Variants in NCOA1 observed in about 807,000 individuals in gnomAD.
The protein encoded by NCOA1 is nuclear receptor coactivator 1, also known as Hin-2 protein.
In NCOA1, 35 loss-of-function variants were observed where a neutral mutation model predicts 150.9. The observed-to-expected ratio is 0.23, with a 90% CI of 0.18 to 0.31. The LOEUF is 0.31. Ranked by LOEUF, NCOA1 falls within the 10% of genes least tolerant of loss-of-function variation. The probability of loss-of-function intolerance (pLI) is 1.00; values close to 1 mark genes in which losing one functional copy is unlikely to be tolerated. For synonymous variants in NCOA1, 590 were observed against 630.0 expected (o/e 0.94, Z 0.95); for missense variants, 1,491 against 1,749.3 (o/e 0.85, Z 2.63).
chr2:24,672,433 C>A (rs11676900), intron 6 of NCOA1, among the ~76,000 whole-genome samples: 22,364 of 152,106 alleles, frequency 0.15, 2,020 homozygotes, highest in Non-Finnish European at 0.2. Flanking sequence ...CTCATCCTGA[C>A]ACCCAGGCTG....
intron 3 of NCOA1, among the ~76,000 whole-genome samples, chr2:24,587,910 T>A (rs1463979324): frequency 6.6e-6 from 1 of 152,230 alleles, no homozygotes; most frequent in Admixed American, 6.5e-5. Context: ...TAAATTCTTT[T>A]GATGCTGATA....
At chr2:24,569,604 G>T (rs1181226419) in intron 2 of NCOA1, among the ~76,000 whole-genome samples, 3 of 128,394 alleles carry the variant, frequency 2.3e-5, no homozygotes, top group African/African-American at 9.0e-5. Flanking sequence ...AGGTACGGTA[G>T]CTCAGGCCTG....
At chr2:24,590,847 C>T (rs1667623942) in intron 3 of NCOA1, among the ~76,000 whole-genome samples, 1 of 152,104 alleles carries the variant, frequency 6.6e-6, no homozygotes, top group African/African-American at 2.4e-5. Context: ...TTATTTTCTC[C>T]ATAGGACTTA....
At position 24,770,410 on chromosome 2, in the gene NCOA1, C is replaced by T. The variant is rs1665264712; in HGVS notation, c.*2019C>T. 1 of 229,856 alleles carries T rather than the reference C, an allele frequency of 4.4e-6. No individual in the cohort carries two copies. Among genetic ancestry groups the T allele is most frequent in the Non-Finnish European group, 8.6e-6 (1 of 115,722 alleles). 14.2% of individuals were successfully genotyped at this position (229,856 alleles called of 1,614,324 possible). A position where few individuals can be genotyped will look rare whatever the true frequency, so the allele number is the denominator to read the frequency against. On this transcript the variant is annotated 3_prime_UTR_variant, in exon 23 of 23. Transcript: ENST00000348332. ...CTAACATCCTCCCCCATCCCAACTG[C>T]ACCTTAAAATATGCATGTCACCTTC...
chr2:24,674,220 T>A (rs1288379512), intron 7 of NCOA1, among the ~76,000 whole-genome samples: 1 of 151,788 alleles, frequency 6.6e-6, no homozygotes, highest in African/African-American at 2.4e-5. Context: ...CTTTTTTTTT[T>A]TTTGAGACGG....
intron 21 of NCOA1, 33 bp from the exon 22 acceptor site, chr2:24,762,654 C>T: frequency 6.3e-7 from 1 of 1,583,524 alleles, no homozygotes; most frequent in Non-Finnish European, 8.7e-7. Context: ...AAACAACTAG[C>T]TTGTAATTTG....
intron 19 of NCOA1, among the ~76,000 whole-genome samples, chr2:24,746,896 A>G (rs1181436025): frequency 1.3e-5 from 2 of 152,180 alleles, no homozygotes; most frequent in Non-Finnish European, 2.9e-5. Flanking sequence ...TATACATGTG[A>G]GTGAATGGAG....
At chr2:24,556,049 T>TA (rs1271275856) in intron 1 of NCOA1, 1 of 152,242 alleles carries the variant, frequency 6.6e-6, no homozygotes, top group Non-Finnish European at 1.5e-5. Context: ...GCAGGTTTGT[T>TA]ACACAGGTAA....
chr2:24,744,413 A>C (rs920188514), intron 19 of NCOA1, among the ~76,000 whole-genome samples: 5 of 152,184 alleles, frequency 3.3e-5, no homozygotes, highest in Non-Finnish European at 7.3e-5. Context: ...ATAATACTGG[A>C]AAAATGTTTA....
intron 3 of NCOA1, among the ~76,000 whole-genome samples, chr2:24,604,190 C>G (rs1290984192): frequency 6.6e-6 from 1 of 152,176 alleles, no homozygotes; most frequent in African/African-American, 2.4e-5. Context: ...GATGTGCTGT[C>G]ATCTAGGATT....
chr2:24,657,027 T>C (rs1156946352), intron 4 of NCOA1, among the ~76,000 whole-genome samples: 1 of 152,196 alleles, frequency 6.6e-6, no homozygotes, highest in Non-Finnish European at 1.5e-5. Flanking sequence ...CTATTTTTAG[T>C]TTTTTGAAGA....
At chr2:24,683,639 C>T (rs1158025752) in intron 8 of NCOA1, among the ~76,000 whole-genome samples, 1 of 152,136 alleles carries the variant, frequency 6.6e-6, no homozygotes, top group African/African-American at 2.4e-5. Context: ...ATTCACTGAA[C>T]CCTGTGCCTT....
At chr2:24,680,566 C>T (rs923173408) in intron 7 of NCOA1, among the ~76,000 whole-genome samples, 1 of 151,974 alleles carries the variant, frequency 6.6e-6, no homozygotes, top group African/African-American at 2.4e-5. Context: ...CCAGGGGCTG[C>T]GTGAAGGGTT....
chr2:24,708,479 A>G (rs537566339), intron 13 of NCOA1, among the ~76,000 whole-genome samples: 2 of 152,262 alleles, frequency 1.3e-5, no homozygotes, highest in Admixed American at 6.5e-5. Flanking sequence ...AAACCTTTCC[A>G]TAAGTTGTTA....
chr2:24,662,272 C>A (rs1345591751), intron 5 of NCOA1, among the ~76,000 whole-genome samples: 2 of 152,186 alleles, frequency 1.3e-5, no homozygotes, highest in Non-Finnish European at 2.9e-5. Context: ...ATATCTTCCT[C>A]CTGTTACCTC....
intron 4 of NCOA1, among the ~76,000 whole-genome samples, chr2:24,645,641 G>C (rs1670436555): frequency 6.6e-6 from 1 of 152,094 alleles, no homozygotes; most frequent in Admixed American, 6.5e-5. Context: ...CTTGGGACTA[G>C]AAGTGTTCCA....
chr2:24,674,912 CCTTAA>C (rs1397436602), intron 7 of NCOA1, among the ~76,000 whole-genome samples: 2 of 152,168 alleles, frequency 1.3e-5, no homozygotes, highest in Non-Finnish European at 2.9e-5. Context: ...ATTCTAGCTT[CCTTAA>C]CTTGCTTTGC....
At chr2:24,656,440 C>T (rs974537361) in intron 4 of NCOA1, among the ~76,000 whole-genome samples, 2 of 152,100 alleles carry the variant, frequency 1.3e-5, no homozygotes, top group Non-Finnish European at 2.9e-5. Flanking sequence ...ATTAGCATGT[C>T]CCTCACGTCA....
intron 1 of NCOA1, among the ~76,000 whole-genome samples, chr2:24,540,020 A>C (rs1392765284): frequency 6.6e-6 from 1 of 152,188 alleles, no homozygotes; most frequent in Non-Finnish European, 1.5e-5. Context: ...TAGAAGACGA[A>C]GGACTGAGAA....
Sources: allele counts gnomAD v4.1 joint callset (sites outside exome capture counted in the v4.1 genomes callset), GRCh38; gene constraint gnomAD v4.1.1; transcripts MANE v1.5; gene names NCBI Gene and HGNC (gene_info 2026-07-23, HGNC 2026-07-21).